Variants in ZRANB3 observed in about 807,000 individuals in gnomAD.
ZRANB3 encodes zinc finger RANBP2-type containing 3, also known as DNA annealing helicase and endonuclease ZRANB3.
In ZRANB3, 125 loss-of-function variants were observed where a neutral mutation model predicts 133.8. That is an observed-to-expected ratio of 0.93 (90% confidence interval 0.81 to 1.08). The LOEUF (loss-of-function observed/expected upper bound fraction) is 1.08, where lower values mean the gene tolerates loss of function less well. Ranked by LOEUF, ZRANB3 falls within the 50% of genes least tolerant of loss-of-function variation. The pLI, the probability that ZRANB3 is intolerant of heterozygous loss-of-function variation, is 0.00. For missense variants in ZRANB3, 1,229 were observed against 1,275.5 expected, an observed-to-expected ratio of 0.96 and a Z score of 0.56; for synonymous variants, 387 against 432.7, an observed-to-expected ratio of 0.89 and a Z score of 1.31.
intron 14 of ZRANB3, 53 bp downstream of exon 14, chr2:135,227,759 G>T: frequency 6.7e-7 from 1 of 1,494,414 alleles, no homozygotes; most frequent in Non-Finnish European, 9.1e-7. Flanking sequence ...ACAGTATTAT[G>T]TGTGAAAGTA....
chr2:135,197,451 A>C lies in ZRANB3; in HGVS notation c.*2891T>G, dbSNP rs890580344. The C allele has an allele frequency of 6.6e-6, 1 of 152,244 alleles. No individual in the cohort carries two copies. Among genetic ancestry groups the C allele is most frequent in the Non-Finnish European group, 1.5e-5 (1 of 68,036 alleles). The allele number at this position is 152,244 out of a possible 1,614,324, so 9.4% of individuals were successfully genotyped here. A position where few individuals can be genotyped will look rare whatever the true frequency, so the allele number is the denominator to read the frequency against. ...TGTATGGGCATAAAATCCTTTTCCC[A>C]TCCAGTTAAGAAAATGTAGAGGGTA... On this transcript the variant is annotated 3_prime_UTR_variant, in exon 21 of 21. Transcript: ENST00000264159.
At chr2:135,334,031 C>A (rs1684268673) in intron 6 of ZRANB3, among the ~76,000 whole-genome samples, 1 of 152,148 alleles carries the variant, frequency 6.6e-6, no homozygotes. Context: ...CCCTACCTAA[C>A]TCCGTCACTA....
chr2:135,358,676 T>C (rs1476623529), intron 3 of ZRANB3, among the ~76,000 whole-genome samples: 1 of 152,142 alleles, frequency 6.6e-6, no homozygotes. Flanking sequence ...AGTCAAACAG[T>C]CTTCAGTATA....
intron 2 of ZRANB3, among the ~76,000 whole-genome samples, chr2:135,474,043 T>G (rs927206251): frequency 1.3e-4 from 19 of 151,688 alleles, no homozygotes; most frequent in African/African-American, 4.6e-4. Context: ...ATACGAAAAA[T>G]AGCAGGGTGT....
Position 135,227,917 on chromosome 2 carries a change from C to A in ZRANB3, c.2053G>T (p.Glu685Ter). 6.4e-7 allele frequency: 1 copy of A among 1,558,504 alleles called. No homozygotes were observed. The highest frequency in any genetic ancestry group is 8.7e-7 in the Non-Finnish European group (1 of 1,149,732). ...TCTGACTGTGCAAGGGCTTGTTTTT[C>A]ACAGTCTGAGATAGTTTGAACCTTT... is the stretch of plus-strand genomic sequence containing the variant. The part of the protein sequence containing the change: ...SKKVQTISDC[E>*]KQALAQSEPG... Residue 685 changes from glutamate (E) to a stop codon, truncating the protein, a stop_gained, in exon 14 of 21, where the codon GAA becomes TAA. Coordinates refer to ENST00000264159, the MANE Select transcript of ZRANB3 (RefSeq NM_032143.4). LOFTEE classifies it high-confidence loss of function.
intron 3 of ZRANB3, among the ~76,000 whole-genome samples, chr2:135,370,169 CTTTT>C (rs909273820): frequency 7.0e-6 from 1 of 142,362 alleles, no homozygotes; most frequent in Non-Finnish European, 1.5e-5. Flanking sequence ...GTTCTATAAT[CTTTT>C]TTTTTTTAAC....
chr2:135,359,760 C>A (rs533095243), intron 3 of ZRANB3, among the ~76,000 whole-genome samples: 2 of 152,112 alleles, frequency 1.3e-5, no homozygotes, highest in Non-Finnish European at 2.9e-5. Flanking sequence ...CTGGTAAGAA[C>A]CCCCAACTTC....
chr2:135,343,395 T>G (rs543831781), intron 6 of ZRANB3, among the ~76,000 whole-genome samples: 1 of 150,004 alleles, frequency 6.7e-6, no homozygotes, highest in East Asian at 1.9e-4. Context: ...AGTTTCTGGA[T>G]TTCATTAATC....
At chr2:135,384,038 A>C (rs1686845813) in intron 3 of ZRANB3, among the ~76,000 whole-genome samples, 1 of 152,210 alleles carries the variant, frequency 6.6e-6, no homozygotes, top group Non-Finnish European at 1.5e-5. Context: ...CCCTTCAAAA[A>C]ATCAACGAAT....
At chr2:135,378,589 AAG>A (rs1686536639) in intron 3 of ZRANB3, among the ~76,000 whole-genome samples, 1 of 152,208 alleles carries the variant, frequency 6.6e-6, no homozygotes, top group Non-Finnish European at 1.5e-5. Flanking sequence ...AGTATAAAAA[AAG>A]GGGGGGAAAT....
chr2:135,417,172 C>T (rs998331136), intron 2 of ZRANB3, among the ~76,000 whole-genome samples: 1 of 152,120 alleles, frequency 6.6e-6, no homozygotes, highest in African/African-American at 2.4e-5. Flanking sequence ...AGTGAACAGG[C>T]AACCTACAGA....
At position 135,207,544 on chromosome 2, in the gene ZRANB3, G is replaced by C. The variant is rs1431799045; in HGVS notation, c.2899C>G (p.Leu967Val). 2.5e-6 allele frequency: 4 copies of C among 1,614,014 alleles called. No individual in the cohort carries two copies. The East Asian group carries it at 8.9e-5, about 36-fold the overall frequency. Residue 967 changes from leucine to valine, a missense_variant, in exon 19 of 21, where the codon CTC (leucine) becomes GTC (valine). Physicochemically the swap from Leu to Val is conservative, Grantham distance 32. Coordinates refer to ENST00000264159, the MANE Select transcript of ZRANB3 (RefSeq NM_032143.4). ...AGTTCTTGTGCGTTCACATTACAGAGCTGACACACACCATGTTCAGTTTCA... is the reference window on the plus strand; with the variant it reads ...AGTTCTTGTGCGTTCACATTACAGACCTGACACACACCATGTTCAGTTTCA... ...VFETEHGVCQ[L>V]CNVNAQELFL...
At chr2:135,403,117 G>C (rs911099716) in intron 2 of ZRANB3, among the ~76,000 whole-genome samples, 1 of 152,088 alleles carries the variant, frequency 6.6e-6, no homozygotes, top group Non-Finnish European at 1.5e-5. Context: ...CAGGACAGTA[G>C]GTGCAGTGCA....
chr2:135,444,845 C>T (rs1450983985), intron 2 of ZRANB3, among the ~76,000 whole-genome samples: 1 of 151,858 alleles, frequency 6.6e-6, no homozygotes, highest in African/African-American at 2.4e-5. Flanking sequence ...TAGGCGTGGG[C>T]GGGGAGGGTA....
chr2:135,511,597 G>A (rs1693454956), intron 1 of ZRANB3: 7 of 843,908 alleles, frequency 8.3e-6, no homozygotes, highest in Non-Finnish European at 1.5e-5. Flanking sequence ...AGACCCCTCA[G>A]GAGCAAGTAC....
chr2:135,211,608 T>C (rs1428219637), intron 17 of ZRANB3, among the ~76,000 whole-genome samples: 1 of 152,190 alleles, frequency 6.6e-6, no homozygotes, highest in African/African-American at 2.4e-5. Context: ...CTTTTATTTT[T>C]AGAAATAAAT....
chr2:135,323,845 G>C (rs960020463), intron 6 of ZRANB3, among the ~76,000 whole-genome samples: 1 of 151,810 alleles, frequency 6.6e-6, no homozygotes, highest in African/African-American at 2.4e-5. Context: ...TCGGCTCACT[G>C]CAACCTCTGC....
At chr2:135,258,490 TC>T (rs1679775371) in intron 12 of ZRANB3, among the ~76,000 whole-genome samples, 2 of 152,220 alleles carry the variant, frequency 1.3e-5, no homozygotes, top group African/African-American at 4.8e-5. Flanking sequence ...TTGCTGAGAG[TC>T]CCTGTTTCCC....
intron 1 of ZRANB3, among the ~76,000 whole-genome samples, chr2:135,512,197 G>A (rs555738302): frequency 2.0e-5 from 3 of 151,838 alleles, no homozygotes; most frequent in South Asian, 2.1e-4. Flanking sequence ...GGTATGGTAC[G>A]CAACACTTGA....
Sources: allele counts gnomAD v4.1 joint callset (sites outside exome capture counted in the v4.1 genomes callset), GRCh38; gene constraint gnomAD v4.1.1; transcripts MANE v1.5; gene names NCBI Gene and HGNC (gene_info 2026-07-23, HGNC 2026-07-21).